PRIM2: variants seen among roughly 807,000 people sequenced by gnomAD.
The protein encoded by PRIM2 is DNA primase subunit 2, also known as DNA primase large subunit.
PRIM2 carries 39 observed loss-of-function variants against 67.3 expected under a neutral mutation model. That is an observed-to-expected ratio of 0.58 (90% CI 0.45 to 0.76). PRIM2 has a LOEUF of 0.76. Among genes scored for constraint, PRIM2 ranks in the 30% least tolerant of loss-of-function variants. The probability of loss-of-function intolerance (pLI) is 0.00; values close to 1 mark genes in which losing one functional copy is unlikely to be tolerated. For missense variants in PRIM2, 398 were observed against 598.7 expected, an observed-to-expected ratio of 0.66 and a Z score of 3.50; for synonymous variants, 143 against 198.7, an observed-to-expected ratio of 0.72 and a Z score of 2.36.
At chr6:57,583,854 C>T (rs1776143044) in intron 10 of PRIM2, among the ~76,000 whole-genome samples, 3 of 152,286 alleles carry the variant, frequency 2.0e-5, no homozygotes, top group East Asian at 3.8e-4. Flanking sequence ...TCAGGTTTCC[C>T]ATTAAGTAAC....
chr6:57,409,246 G>A (rs1771003982), intron 7 of PRIM2, among the ~76,000 whole-genome samples: 1 of 151,876 alleles, frequency 6.6e-6, no homozygotes, highest in African/African-American at 2.4e-5. Context: ...CACGATCTTG[G>A]CTCACTGCAA....
intron 5 of PRIM2, 160 bp downstream of exon 5, chr6:57,326,205 C>G: frequency 3.1e-6 from 2 of 652,186 alleles, no homozygotes; most frequent in Non-Finnish European, 4.6e-6. Context: ...ATCTTTCCTT[C>G]TCTATGACTA....
chr6:57,591,320 C>T (rs1267175400), intron 10 of PRIM2, among the ~76,000 whole-genome samples: 2,685 of 152,212 alleles, frequency 0.018, 87 homozygotes, highest in African/African-American at 0.061. Flanking sequence ...AAAAAATTAT[C>T]GCAAGAATAT....
At chr6:57,407,654 A>G (rs1163089993) in intron 7 of PRIM2, among the ~76,000 whole-genome samples, 1 of 152,236 alleles carries the variant, frequency 6.6e-6, no homozygotes, top group African/African-American at 2.4e-5. Flanking sequence ...TGGCACACCC[A>G]CATGGGGTGA....
At chr6:57,411,718 T>A (rs1771094218) in intron 7 of PRIM2, among the ~76,000 whole-genome samples, 2 of 152,238 alleles carry the variant, frequency 1.3e-5, no homozygotes, top group African/African-American at 4.8e-5. Flanking sequence ...TACCTTTTTT[T>A]ATATATTACT....
the PRIM2 span, among the ~76,000 whole-genome samples, chr6:57,243,534 T>C: frequency 1.3e-5 from 2 of 152,198 alleles, no homozygotes; most frequent in Admixed American, 6.5e-5. Context: ...AGTGGTGCGA[T>C]CTCAGCTCAC....
intron 7 of PRIM2, among the ~76,000 whole-genome samples, chr6:57,490,103 C>G (rs1554345835): frequency 6.6e-6 from 1 of 152,138 alleles, no homozygotes; most frequent in African/African-American, 2.4e-5. Flanking sequence ...AGCCAACCAG[C>G]TGCCCCAGGG....
chr6:57,515,347 C>A (rs1774460730), intron 8 of PRIM2, among the ~76,000 whole-genome samples: 1 of 152,168 alleles, frequency 6.6e-6, no homozygotes, highest in African/African-American at 2.4e-5. Flanking sequence ...ACTGTAGTAA[C>A]TTTATGTAGA....
At chr6:57,578,971 C>A (rs1178214006) in intron 10 of PRIM2, among the ~76,000 whole-genome samples, 5 of 152,062 alleles carry the variant, frequency 3.3e-5, no homozygotes, top group African/African-American at 1.2e-4. Flanking sequence ...CCACCGCGCC[C>A]GGCCCACCTC....
At chr6:57,277,708 G>A in the PRIM2 span, among the ~76,000 whole-genome samples, 3 of 152,116 alleles carry the variant, frequency 2.0e-5, no homozygotes, top group East Asian at 3.9e-4. Flanking sequence ...GGCCAGGCGC[G>A]GTGGCTTCAT....
chr6:57,341,781 C>G (rs1768500690), intron 5 of PRIM2, among the ~76,000 whole-genome samples: 1 of 152,180 alleles, frequency 6.6e-6, no homozygotes, highest in South Asian at 2.1e-4. Flanking sequence ...GATGTGTGAC[C>G]TGCTGCCTAA....
intron 8 of PRIM2, among the ~76,000 whole-genome samples, chr6:57,521,219 T>G (rs1774612160): frequency 6.6e-6 from 1 of 152,186 alleles, no homozygotes; most frequent in African/African-American, 2.4e-5. Flanking sequence ...TGGTGACAGC[T>G]GTTGACTGAA....
In PRIM2 at chr6:57,318,430, T is replaced by G; in HGVS notation, c.-9-7T>G. ...CATTTTACGCTTTTTGTGTACTTCC[T>G]TCTAAGGTGACCAAGATGGAGTTTT... On this transcript the variant is annotated splice_region_variant and splice_polypyrimidine_tract_variant and intron_variant, in intron 1 of 13. Coordinates refer to ENST00000615550, the MANE Select transcript of PRIM2 (RefSeq NM_000947.5). 2 of 1,609,392 alleles carry G rather than the reference T, an allele frequency of 1.2e-6. No homozygotes were observed. Among genetic ancestry groups the G allele is most frequent in the South Asian group, 1.1e-5 (1 of 89,924 alleles).
the PRIM2 span, among the ~76,000 whole-genome samples, chr6:57,282,267 G>A: frequency 4.6e-5 from 7 of 152,230 alleles, no homozygotes; most frequent in East Asian, 1.4e-3. Context: ...ACTGATCATA[G>A]CACCTTACTA....
chr6:57,363,861 C>G (rs558065218), intron 5 of PRIM2, among the ~76,000 whole-genome samples: 1 of 152,254 alleles, frequency 6.6e-6, no homozygotes, highest in African/African-American at 2.4e-5. Flanking sequence ...CCTGTTCTTT[C>G]TCCTCTCTGT....
chr6:57,528,760 C>T (rs1483126886), intron 8 of PRIM2, among the ~76,000 whole-genome samples: 9 of 152,192 alleles, frequency 5.9e-5, no homozygotes, highest in Non-Finnish European at 1.3e-4. Flanking sequence ...GATGATGGCT[C>T]CTCTACAGGA....
chr6:57,479,100 C>T (rs1390818162), intron 7 of PRIM2, among the ~76,000 whole-genome samples: 1 of 152,088 alleles, frequency 6.6e-6, no homozygotes. Flanking sequence ...GAGGCGAGAT[C>T]GTGCCATTGC....
At chr6:57,439,236 AAAACTT>A (rs1239888427) in intron 7 of PRIM2, among the ~76,000 whole-genome samples, 1 of 152,056 alleles carries the variant, frequency 6.6e-6, no homozygotes, top group African/African-American at 2.4e-5. Flanking sequence ...ATTGTATAGA[AAAACTT>A]AAATATGCAT....
chr6:57,334,558 G>A (rs558014739), intron 5 of PRIM2, among the ~76,000 whole-genome samples: 3 of 152,262 alleles, frequency 2.0e-5, no homozygotes, highest in African/African-American at 7.2e-5. Flanking sequence ...CAGCTACTTG[G>A]GAGGCTGAGG....
Sources: allele counts gnomAD v4.1 joint callset (sites outside exome capture counted in the v4.1 genomes callset), GRCh38; gene constraint gnomAD v4.1.1; transcripts MANE v1.5; gene names NCBI Gene and HGNC (gene_info 2026-07-23, HGNC 2026-07-21).